The following VTI1A variants were observed in gnomAD, a reference collection of about 807,000 sequenced individuals.
The protein encoded by VTI1A is vesicle transport through interaction with t-SNAREs 1A.
In VTI1A, 22 loss-of-function variants were observed where a neutral mutation model predicts 34.9. That is an observed-to-expected ratio of 0.63 (90% CI 0.45 to 0.90). VTI1A has a LOEUF of 0.90. VTI1A is among the 40% of genes least tolerant of loss of function. VTI1A has a pLI of 0.00. For missense variants in VTI1A, 268 were observed against 275.6 expected, an observed-to-expected ratio of 0.97 and a Z score of 0.20; for synonymous variants, 87 against 97.3, an observed-to-expected ratio of 0.89 and a Z score of 0.62.
intron 7 of VTI1A, among the ~76,000 whole-genome samples, chr10:112,811,293 C>T (rs1197975018): frequency 1.3e-5 from 2 of 152,168 alleles, no homozygotes; most frequent in Non-Finnish European, 2.9e-5. Flanking sequence ...GAAGAGCCCG[C>T]TAGAGAGACA....
At chr10:112,503,943 T>C (rs1849331025) in intron 3 of VTI1A, among the ~76,000 whole-genome samples, 1 of 152,194 alleles carries the variant, frequency 6.6e-6, no homozygotes, top group African/African-American at 2.4e-5. Context: ...TTCTGCCACT[T>C]TACGAAATGA....
intron 5 of VTI1A, among the ~76,000 whole-genome samples, chr10:112,648,068 C>A (rs1206214764): frequency 1.3e-5 from 2 of 152,176 alleles, no homozygotes; most frequent in Non-Finnish European, 2.9e-5. Flanking sequence ...TTGCACCCAG[C>A]CTGCATTGTT....
chr10:112,785,734 A>G (rs1164611685), intron 7 of VTI1A, among the ~76,000 whole-genome samples: 3 of 152,162 alleles, frequency 2.0e-5, no homozygotes, highest in Non-Finnish European at 2.9e-5. Context: ...CAATTTCTCT[A>G]TTAAATTGCC....
At chr10:112,794,628 T>C (rs142477297) in intron 7 of VTI1A, among the ~76,000 whole-genome samples, 306 of 152,326 alleles carry the variant, frequency 2.0e-3, no homozygotes, top group African/African-American at 7.0e-3. Context: ...AATCATTATT[T>C]ACATTTCAAT....
chr10:112,813,554 G>C (rs1046732029), intron 7 of VTI1A, among the ~76,000 whole-genome samples: 1 of 152,104 alleles, frequency 6.6e-6, no homozygotes, highest in Non-Finnish European at 1.5e-5. Flanking sequence ...GAAGGCTCCT[G>C]TCCCTCCCAG....
At chr10:112,651,976 C>T (rs1217566689) in intron 5 of VTI1A, among the ~76,000 whole-genome samples, 1 of 152,196 alleles carries the variant, frequency 6.6e-6, no homozygotes, top group Admixed American at 6.5e-5. Context: ...TCTCTTACCA[C>T]TTAGAAATTG....
At chr10:112,840,036 G>A in the VTI1A span, among the ~76,000 whole-genome samples, 1 of 152,118 alleles carries the variant, frequency 6.6e-6, no homozygotes, top group African/African-American at 2.4e-5. Flanking sequence ...ACAAATGGAG[G>A]AGGGCCAGGC....
chr10:112,605,088 T>C (rs1424248273), intron 5 of VTI1A, among the ~76,000 whole-genome samples: 1 of 152,202 alleles, frequency 6.6e-6, no homozygotes, highest in African/African-American at 2.4e-5. Flanking sequence ...GTTATGTCCC[T>C]GACCCTGACA....
At chr10:112,822,051 G>T (rs1853664107), downstream of VTI1A, among the ~76,000 whole-genome samples, 1 of 152,178 alleles carries the variant, frequency 6.6e-6, no homozygotes, top group African/African-American at 2.4e-5. Flanking sequence ...ACCAGCCACA[G>T]ATCCCTCTAA....
chr10:112,685,123 A>G (rs971290528), intron 7 of VTI1A, among the ~76,000 whole-genome samples: 2 of 152,244 alleles, frequency 1.3e-5, no homozygotes, highest in Non-Finnish European at 2.9e-5. Flanking sequence ...ATATTTCTAT[A>G]TATGATGACT....
intron 7 of VTI1A, among the ~76,000 whole-genome samples, chr10:112,763,940 G>A (rs1851566714): frequency 6.6e-6 from 1 of 152,192 alleles, no homozygotes; most frequent in South Asian, 2.1e-4. Context: ...TCTGATTCAC[G>A]CCAGAGCACC....
At chr10:112,784,473 G>A (rs945137051) in intron 7 of VTI1A, among the ~76,000 whole-genome samples, 1 of 152,140 alleles carries the variant, frequency 6.6e-6, no homozygotes, top group Non-Finnish European at 1.5e-5. Flanking sequence ...CTTTTATTAT[G>A]ATAACATAAA....
intron 7 of VTI1A, among the ~76,000 whole-genome samples, chr10:112,751,378 TGGCATGGCCA>T (rs1332512311): frequency 2.6e-5 from 4 of 151,358 alleles, no homozygotes; most frequent in Non-Finnish European, 5.9e-5. Flanking sequence ...ACCTCACATC[TGGCATGGCCA>T]GGCACACAGT....
the VTI1A span, among the ~76,000 whole-genome samples, chr10:112,838,142 G>A: frequency 6.6e-6 from 1 of 152,238 alleles, no homozygotes; most frequent in Non-Finnish European, 1.5e-5. Flanking sequence ...CGTGGCCTGG[G>A]AGGAAAAGAC....
At chr10:112,820,180 C>G (rs1853628627), downstream of VTI1A, among the ~76,000 whole-genome samples, 1 of 152,232 alleles carries the variant, frequency 6.6e-6, no homozygotes, top group Non-Finnish European at 1.5e-5. Flanking sequence ...CATTTCAATC[C>G]AGGATAAATT....
At chr10:112,726,022 T>C (rs1850011043) in intron 7 of VTI1A, among the ~76,000 whole-genome samples, 1 of 152,216 alleles carries the variant, frequency 6.6e-6, no homozygotes, top group Non-Finnish European at 1.5e-5. Flanking sequence ...AAATAGTATA[T>C]AAAGACTTCA....
chr10:112,752,488 A>G, intron 7 of VTI1A: 1 of 985,412 alleles, frequency 1.0e-6, no homozygotes, highest in Non-Finnish European at 1.2e-6. Flanking sequence ...CTGTTGCTCA[A>G]ACTTTTTGAC....
the VTI1A span, among the ~76,000 whole-genome samples, chr10:112,840,494 C>T: frequency 6.6e-6 from 1 of 152,224 alleles, no homozygotes; most frequent in African/African-American, 2.4e-5. Context: ...AAATAGCCTT[C>T]GCTTGTTCTC....
intron 5 of VTI1A, among the ~76,000 whole-genome samples, chr10:112,609,633 T>G (rs1338713106): frequency 6.6e-6 from 1 of 152,210 alleles, no homozygotes; most frequent in East Asian, 1.9e-4. Context: ...TTTAGAAACA[T>G]TCTATTTTTT....
Sources: gnomAD v4.1 joint callset for allele counts (sites outside exome capture counted in the v4.1 genomes callset) on GRCh38, gnomAD v4.1.1 for gene constraint, MANE v1.5 for transcripts, NCBI Gene and HGNC (gene_info 2026-07-23, HGNC 2026-07-21) for gene names.